The following GALNTL6 variants were observed in gnomAD, a reference collection of about 807,000 sequenced individuals.
The protein encoded by GALNTL6 is polypeptide N-acetylgalactosaminyltransferase like 6, also known as polypeptide N-acetylgalactosaminyltransferase-like 6.
A neutral mutation model predicts 73.7 loss-of-function variants in GALNTL6; 46 were observed. The ratio of observed to expected loss-of-function variants is 0.62; its 90% CI spans 0.49 to 0.80. The LOEUF (loss-of-function observed/expected upper bound fraction) is 0.80, where lower values mean the gene tolerates loss of function less well. Ranked by LOEUF, GALNTL6 falls within the 30% of genes least tolerant of loss-of-function variation. GALNTL6 has a pLI of 0.00. For synonymous variants in GALNTL6, 259 were observed against 263.7 expected (o/e 0.98, Z 0.17); for missense variants, 604 against 755.0 (o/e 0.80, Z 2.34).
intron 7 of GALNTL6, among the ~76,000 whole-genome samples, chr4:172,839,944 G>C (rs1313346185): frequency 6.6e-6 from 1 of 152,150 alleles, no homozygotes. Flanking sequence ...ACATAATGTT[G>C]ACAGTCAAAT....
At chr4:172,931,099 C>T (rs1011490029) in intron 8 of GALNTL6, 62 bp from the exon 9 acceptor site, 8 of 889,052 alleles carry the variant, frequency 9.0e-6, no homozygotes, top group Admixed American at 8.5e-5. Flanking sequence ...ATGAGTCCTA[C>T]TGATTATTCC....
intron 5 of GALNTL6, among the ~76,000 whole-genome samples, chr4:172,383,225 T>C (rs1338032992): frequency 6.7e-6 from 1 of 150,146 alleles, no homozygotes; most frequent in Non-Finnish European, 1.5e-5. Flanking sequence ...TTGGAGAGTA[T>C]TGCCATCTTA....
At chr4:172,122,390 T>C (rs558194013) in intron 2 of GALNTL6, among the ~76,000 whole-genome samples, 1 of 152,288 alleles carries the variant, frequency 6.6e-6, no homozygotes, top group South Asian at 2.1e-4. Flanking sequence ...TATCAACTTA[T>C]CATTCTAGTT....
At chr4:171,943,900 C>T (rs1166814092) in intron 2 of GALNTL6, among the ~76,000 whole-genome samples, 1 of 126,860 alleles carries the variant, frequency 7.9e-6, no homozygotes, top group Non-Finnish European at 1.7e-5. Flanking sequence ...GACTAGAATG[C>T]AAAGGTGGTA....
chr4:172,961,822 C>T (rs1385983147), intron 10 of GALNTL6, among the ~76,000 whole-genome samples: 1 of 152,148 alleles, frequency 6.6e-6, no homozygotes, highest in Non-Finnish European at 1.5e-5. Context: ...GTGGATCTTT[C>T]TCATGGAACA....
chr4:172,243,614 A>T (rs182966409), intron 3 of GALNTL6, among the ~76,000 whole-genome samples: 1 of 152,112 alleles, frequency 6.6e-6, no homozygotes, highest in Admixed American at 6.6e-5. Flanking sequence ...TAATCTCATG[A>T]TTAAAGTCAC....
chr4:171,970,626 A>G (rs976875137), intron 2 of GALNTL6, among the ~76,000 whole-genome samples: 1 of 152,166 alleles, frequency 6.6e-6, no homozygotes, highest in Non-Finnish European at 1.5e-5. Context: ...CCAATACTTT[A>G]TATGTTTTGA....
chr4:172,053,376 A>C (rs1730933400), intron 2 of GALNTL6, among the ~76,000 whole-genome samples: 1 of 152,120 alleles, frequency 6.6e-6, no homozygotes, highest in Non-Finnish European at 1.5e-5. Flanking sequence ...GCACACAGAC[A>C]TCCAAAACCT....
chr4:172,885,272 T>A (rs1030459925), intron 8 of GALNTL6, among the ~76,000 whole-genome samples: 1 of 152,190 alleles, frequency 6.6e-6, no homozygotes, highest in Non-Finnish European at 1.5e-5. Flanking sequence ...TATCTTTCCA[T>A]CTTTTGTGTG....
At chr4:172,830,652 C>T (rs183212969) in intron 7 of GALNTL6, among the ~76,000 whole-genome samples, 1 of 152,250 alleles carries the variant, frequency 6.6e-6, no homozygotes, top group East Asian at 1.9e-4. Context: ...ATCAAGCAGC[C>T]ACACCGTGGC....
intron 12 of GALNTL6, among the ~76,000 whole-genome samples, chr4:173,036,082 G>A (rs1007992748): frequency 2.0e-5 from 3 of 152,104 alleles, no homozygotes; most frequent in African/African-American, 7.2e-5. Context: ...GTAACCTGAG[G>A]TTCAGAAAAT....
chr4:172,183,513 C>A (rs1015246200), intron 2 of GALNTL6, among the ~76,000 whole-genome samples: 2 of 152,164 alleles, frequency 1.3e-5, no homozygotes, highest in African/African-American at 4.8e-5. Flanking sequence ...TTGGTAGTTT[C>A]ATTGATTCAA....
chr4:172,821,694 T>C (rs1481002969), intron 7 of GALNTL6, among the ~76,000 whole-genome samples: 1 of 152,130 alleles, frequency 6.6e-6, no homozygotes, highest in Admixed American at 6.5e-5. Context: ...TGTCAAACTT[T>C]TAAATGGTGT....
intron 11 of GALNTL6, among the ~76,000 whole-genome samples, chr4:173,015,170 G>A (rs1752727560): frequency 6.6e-6 from 1 of 152,166 alleles, no homozygotes. Context: ...AAATGTGAAT[G>A]AATTAAACAT....
At chr4:172,663,479 T>C (rs1731489571) in intron 5 of GALNTL6, among the ~76,000 whole-genome samples, 1 of 152,208 alleles carries the variant, frequency 6.6e-6, no homozygotes, top group African/African-American at 2.4e-5. Flanking sequence ...AACCCCTCCC[T>C]AAGCGGGACA....
At chr4:172,310,984 A>G (rs1740336711) in intron 3 of GALNTL6, among the ~76,000 whole-genome samples, 1 of 152,154 alleles carries the variant, frequency 6.6e-6, no homozygotes, top group Admixed American at 6.5e-5. Flanking sequence ...AAGATATAAG[A>G]AATTATTAAT....
chr4:172,348,367 G>T (rs965635316), intron 4 of GALNTL6, among the ~76,000 whole-genome samples, 156 bp from the exon 5 acceptor site: 1 of 152,184 alleles, frequency 6.6e-6, no homozygotes, highest in South Asian at 2.1e-4. Context: ...TTCCGTGAAG[G>T]AGCAGGATAA....
chr4:172,201,355 C>A, intron 2 of GALNTL6, among the ~76,000 whole-genome samples: 1 of 151,432 alleles, frequency 6.6e-6, no homozygotes, highest in Admixed American at 6.6e-5. Context: ...TACAGGTGCA[C>A]GCCACCACGC....
At chr4:172,557,945 A>T (rs1175044880) in intron 5 of GALNTL6, among the ~76,000 whole-genome samples, 1 of 152,198 alleles carries the variant, frequency 6.6e-6, no homozygotes, top group Non-Finnish European at 1.5e-5. Context: ...TTGTACAGGA[A>T]TAGTTATAGA....
Sources: allele counts gnomAD v4.1 joint callset (sites outside exome capture counted in the v4.1 genomes callset), GRCh38; gene constraint gnomAD v4.1.1; transcripts MANE v1.5; gene names NCBI Gene and HGNC (gene_info 2026-07-23, HGNC 2026-07-21).